The following ATRN variants were observed in gnomAD, a reference collection of about 807,000 sequenced individuals.
ATRN encodes the protein attractin-2.
ATRN carries 54 observed loss-of-function variants against 178.7 expected under a neutral mutation model. The observed-to-expected ratio is 0.30, with a 90% CI of 0.24 to 0.38. ATRN has a LOEUF of 0.38. Ranked by LOEUF, ATRN falls within the 10% of genes least tolerant of loss-of-function variation. The probability of loss-of-function intolerance (pLI) is 1.00; values close to 1 mark genes in which losing one functional copy is unlikely to be tolerated. For synonymous variants in ATRN, 636 were observed against 663.0 expected (o/e 0.96, Z 0.63); for missense variants, 1,443 against 1,815.1 (o/e 0.79, Z 3.73).
chr20:3,485,195 C>T (rs1250655709), intron 1 of ATRN, among the ~76,000 whole-genome samples: 2 of 152,110 alleles, frequency 1.3e-5, no homozygotes, highest in Non-Finnish European at 2.9e-5. Context: ...ATCTATGAAT[C>T]CTTCCTAAGC....
chr20:3,589,006 A>T (rs1276531722), intron 18 of ATRN, among the ~76,000 whole-genome samples: 2 of 84,654 alleles, frequency 2.4e-5, no homozygotes, highest in African/African-American at 8.8e-5. Flanking sequence ...TTTTTGAGAC[A>T]GAGTCTCACT....
chr20:3,471,101 C>G lies in ATRN; in HGVS notation c.-7C>G, dbSNP rs1364176722. On this transcript the variant is annotated 5_prime_UTR_variant, in exon 1 of 29. Coordinates refer to ENST00000262919, the MANE Select transcript of ATRN (RefSeq NM_139321.3). Reference sequence around the variant, plus strand: ...TGTTCGCGGGGCGCCGTCTCAGCCCCGGGAAGATGGTGGCTGCAGCGGCGG... The same window carrying G: ...TGTTCGCGGGGCGCCGTCTCAGCCCGGGGAAGATGGTGGCTGCAGCGGCGG... 1 of 1,510,354 alleles carries G rather than the reference C, an allele frequency of 6.6e-7. No homozygotes were observed. The highest frequency in any genetic ancestry group is 8.8e-7 in the Non-Finnish European group (1 of 1,136,124). The allele number at this position is 1,510,354 out of a possible 1,614,324, so 93.6% of individuals were successfully genotyped here.
At chr20:3,592,443 A>G in intron 19 of ATRN, 1 of 982,936 alleles carries the variant, frequency 1.0e-6, no homozygotes, top group Non-Finnish European at 1.2e-6. Flanking sequence ...GTGTTTCCCC[A>G]TTTATGTCAA....
At chr20:3,601,121 G>A in intron 23 of ATRN, 97 bp downstream of exon 23, 1 of 1,099,028 alleles carries the variant, frequency 9.1e-7, no homozygotes, top group South Asian at 1.4e-5. Flanking sequence ...AGACAGATTG[G>A]TTTGAAACCC....
rs1425899552 is a variant in ATRN at position 3,650,508 on chromosome 20, G to C, written c.*3661G>C. The stretch of plus-strand genomic sequence containing the variant: ...GACGGCAGAGGCCTCCTGGCCTCAG[G>C]GCATGCCCTGCCTACCTTCTGAAAT... On this transcript the variant is annotated 3_prime_UTR_variant, in exon 29 of 29. Transcript: ENST00000262919. 1 of 152,272 alleles carries C rather than the reference G, an allele frequency of 6.6e-6. No individual in the cohort carries two copies. Among genetic ancestry groups the C allele is most frequent in the Non-Finnish European group, 1.5e-5 (1 of 68,012 alleles). 9.4% of individuals were successfully genotyped at this position (152,272 alleles called of 1,614,324 possible).
intron 25 of ATRN, among the ~76,000 whole-genome samples, chr20:3,630,241 T>A (rs2086979417): frequency 6.6e-6 from 1 of 152,222 alleles, no homozygotes; most frequent in South Asian, 2.1e-4. Context: ...AACTGTATTA[T>A]TTTTCATCGT....
rs151565 is a variant in ATRN, at chr20:3,505,332, G to A, written c.411-29921G>A. ...AGCACGAGCAGTCTCCCAGGTTCTT[G>A]GACCTTTGGCCTCAGACTGAGTTAC... On this transcript the variant is annotated intron_variant, in intron 1 of 28. Transcript: ENST00000262919. Among the ~76,000 whole-genome samples, 1,205 of 152,218 alleles carry A rather than the reference G, an allele frequency of 7.9e-3. 18 individuals are homozygous for A. Among genetic ancestry groups the A allele is most frequent in the African/African-American group, 0.027 (1,138 of 41,478 alleles).
rs2084787070 is a variant in ATRN at position 3,491,127 on chromosome 20, G to A, written c.410+19610G>A. The A allele has an allele frequency of 5.3e-6, 3 of 566,488 alleles. No individual in the cohort carries two copies. In the Admixed American group the frequency reaches 9.6e-5, roughly 18 times the overall value. 35.1% of individuals were successfully genotyped at this position (566,488 alleles called of 1,614,324 possible). Reference sequence around the variant, plus strand: ...ATTTTATTGATTCTAATAATTATCTGCAGATTATTAGCTCTCTGGGGGAAA... The same window carrying A: ...ATTTTATTGATTCTAATAATTATCTACAGATTATTAGCTCTCTGGGGGAAA... On this transcript the variant is annotated intron_variant, in intron 1 of 28. Coordinates refer to ENST00000262919, the MANE Select transcript of ATRN (RefSeq NM_139321.3).
In ATRN at chr20:3,545,810, T is replaced by G; in HGVS notation, c.657T>G (p.Val219=). 6.2e-7 allele frequency: 1 copy of G among 1,614,072 alleles called. No individual in the cohort carries two copies. Among genetic ancestry groups the G allele is most frequent in the Non-Finnish European group, 8.5e-7 (1 of 1,179,906 alleles). Residue 219 remains valine (V), a synonymous_variant, in exon 4 of 29, where the codon GTT becomes GTG. Transcript: ENST00000262919. ...ATGGCAATGAGACTGTCCCTGAGGT[T>G]GTTGCCACATCAGGTTATGCCTTGC... ...ERDGNETVPE[V]VATSGYALLH... is the part of the protein sequence containing the mutation.
intron 12 of ATRN, among the ~76,000 whole-genome samples, chr20:3,573,733 A>G (rs1196935270): frequency 6.7e-6 from 1 of 148,346 alleles, no homozygotes; most frequent in African/African-American, 2.5e-5. Flanking sequence ...CGATATATTA[A>G]AAATTTATTT....
chr20:3,647,872 T>A lies in ATRN; in HGVS notation c.*1025T>A, dbSNP rs144066399. 6.6e-6 allele frequency: 1 copy of A among 152,144 alleles called. No individual in the cohort carries two copies. Among genetic ancestry groups the A allele is most frequent in the Non-Finnish European group, 1.5e-5 (1 of 68,032 alleles). The allele number at this position is 152,144 out of a possible 1,614,324, so 9.4% of individuals were successfully genotyped here. ...ACTGTGAAAGCTCCTGTTTTTATTA[T>A]CAAAAAGGACACTGTCAAGAAGGCG... On this transcript the variant is annotated 3_prime_UTR_variant, in exon 29 of 29. Coordinates refer to ENST00000262919, the MANE Select transcript of ATRN (RefSeq NM_139321.3).
chr20:3,534,235 T>C (rs1568712891), intron 1 of ATRN, among the ~76,000 whole-genome samples: 1 of 152,120 alleles, frequency 6.6e-6, no homozygotes, highest in Non-Finnish European at 1.5e-5. Flanking sequence ...AAATGATAGT[T>C]CAATGGATTG....
chr20:3,584,917 C>G, intron 18 of ATRN, 37 bp downstream of exon 18: 1 of 1,573,402 alleles, frequency 6.4e-7, no homozygotes, highest in Non-Finnish European at 8.7e-7. Context: ...AAGTGTTTCA[C>G]TACTGATTTA....
At chr20:3,625,706 C>T (rs1340454688) in intron 25 of ATRN, among the ~76,000 whole-genome samples, 1 of 152,092 alleles carries the variant, frequency 6.6e-6, no homozygotes, top group African/African-American at 2.4e-5. Context: ...CACCTCCTGC[C>T]CCCAAGTGCA....
intron 26 of ATRN, among the ~76,000 whole-genome samples, chr20:3,636,160 A>G (rs1218217447): frequency 6.6e-6 from 1 of 152,218 alleles, no homozygotes; most frequent in Admixed American, 6.5e-5. Context: ...AAGCAAAGGA[A>G]CAGATGGAAA....
At chr20:3,616,283 C>T (rs573867478) in intron 24 of ATRN, among the ~76,000 whole-genome samples, 13 of 152,300 alleles carry the variant, frequency 8.5e-5, no homozygotes, top group African/African-American at 3.1e-4. Flanking sequence ...CAGGAACCCA[C>T]TAGACTTCCT....
At position 3,506,548 on chromosome 20, in the gene ATRN, G is replaced by A. The variant is rs143463662; in HGVS notation, c.411-28705G>A. 1.1e-4 allele frequency among the ~76,000 whole-genome samples: 16 copies of A among 151,726 alleles called. No individual in the cohort carries two copies. The East Asian group carries it at 3.1e-3, about 29-fold the overall frequency. On this transcript the variant is annotated intron_variant, in intron 1 of 28. Transcript: ENST00000262919. ...CTGAGACAGGAGAACAATTTGAACC[G>A]AGGAGGCGGAGGCTGCAGTGAGTTG... is the stretch of plus-strand genomic sequence containing the variant.
rs998877089 is a variant in ATRN at position 3,535,794 on chromosome 20, C to A, written c.494+458C>A. 8.5e-5 allele frequency among the ~76,000 whole-genome samples: 13 copies of A among 152,062 alleles called. No individual in the cohort carries two copies. In the South Asian group the frequency reaches 2.7e-3, roughly 32 times the overall value. ...TACAGGTGCATGCCACCACGCCAGG[C>A]TAATTTTGTATTTTTAGTAGAGAAG... On this transcript the variant is annotated intron_variant, in intron 2 of 28. Coordinates refer to ENST00000262919, the MANE Select transcript of ATRN (RefSeq NM_139321.3).
intron 1 of ATRN, among the ~76,000 whole-genome samples, chr20:3,494,818 G>A (rs925914039): frequency 2.4e-4 from 37 of 152,154 alleles, no homozygotes; most frequent in African/African-American, 8.9e-4. Flanking sequence ...ACCTGTAGGA[G>A]TATCATGGAG....
Sources: gnomAD v4.1 joint callset for allele counts (sites outside exome capture counted in the v4.1 genomes callset) on GRCh38, gnomAD v4.1.1 for gene constraint, MANE v1.5 for transcripts, NCBI Gene and HGNC (gene_info 2026-07-23, HGNC 2026-07-21) for gene names.